Variants in PACRG observed in about 807,000 individuals in gnomAD.
PACRG encodes the protein parkin coregulated gene protein.
In PACRG, 29 loss-of-function variants were observed where a neutral mutation model predicts 29.7. The ratio of observed to expected loss-of-function variants is 0.98; its 90% CI spans 0.73 to 1.33. The LOEUF is 1.33. Among genes scored for constraint, PACRG ranks in the 40% most tolerant of loss-of-function variants. The pLI, the probability that PACRG is intolerant of heterozygous loss-of-function variation, is 0.00. For missense variants in PACRG, 279 were observed against 316.2 expected, an observed-to-expected ratio of 0.88 and a Z score of 0.89; for synonymous variants, 116 against 118.7, an observed-to-expected ratio of 0.98 and a Z score of 0.15.
At chr6:163,271,492 G>A (rs1051409510) in intron 4 of PACRG, among the ~76,000 whole-genome samples, 1 of 152,126 alleles carries the variant, frequency 6.6e-6, no homozygotes, top group African/African-American at 2.4e-5. Context: ...GACTTGCCTA[G>A]ATCTTTTGTG....
intron 2 of PACRG, among the ~76,000 whole-genome samples, chr6:162,823,183 G>A (rs1470171163): frequency 6.6e-6 from 1 of 151,998 alleles, no homozygotes; most frequent in Non-Finnish European, 1.5e-5. Context: ...TGTATTGTTT[G>A]TTTGTTTGTT....
At chr6:163,098,940 T>C (rs1048348553) in intron 4 of PACRG, among the ~76,000 whole-genome samples, 1 of 152,186 alleles carries the variant, frequency 6.6e-6, no homozygotes, top group Non-Finnish European at 1.5e-5. Context: ...GTCACTCTCA[T>C]CGCCATCTTG....
chr6:163,293,225 T>A (rs556395091), intron 4 of PACRG, among the ~76,000 whole-genome samples: 1 of 152,200 alleles, frequency 6.6e-6, no homozygotes. Flanking sequence ...TCAGCTGTAA[T>A]GATCGAATAG....
intron 2 of PACRG, among the ~76,000 whole-genome samples, chr6:162,874,128 C>T (rs1399413703): frequency 9.2e-5 from 9 of 97,484 alleles, no homozygotes; most frequent in Non-Finnish European, 2.0e-5. Flanking sequence ...CAGGCAAAAA[C>T]ATGAGGGAGT....
chr6:162,939,676 CG>C (rs1798478865), intron 2 of PACRG, among the ~76,000 whole-genome samples: 1 of 149,326 alleles, frequency 6.7e-6, no homozygotes, highest in Non-Finnish European at 1.5e-5. Flanking sequence ...CTGTATTTGA[CG>C]TGTGTGTGTG....
At chr6:163,078,227 G>A (rs567183610) in intron 3 of PACRG, among the ~76,000 whole-genome samples, 4 of 152,258 alleles carry the variant, frequency 2.6e-5, no homozygotes, top group South Asian at 2.1e-4. Flanking sequence ...AGGACCGGGC[G>A]CAGTGGCTCA....
At chr6:162,767,842 A>G (rs1782919074) in intron 1 of PACRG, among the ~76,000 whole-genome samples, 2 of 152,000 alleles carry the variant, frequency 1.3e-5, no homozygotes, top group Admixed American at 6.6e-5. Flanking sequence ...AATTTTTACT[A>G]CACATATTTT....
intron 1 of PACRG, among the ~76,000 whole-genome samples, chr6:162,749,601 A>G (rs956933750): frequency 5.3e-5 from 8 of 151,878 alleles, no homozygotes; most frequent in African/African-American, 1.7e-4. Flanking sequence ...GCTCACTGCA[A>G]CCTCCACCTC....
At chr6:163,253,819 G>A (rs1189967380) in intron 4 of PACRG, among the ~76,000 whole-genome samples, 2 of 152,206 alleles carry the variant, frequency 1.3e-5, no homozygotes, top group East Asian at 1.9e-4. Flanking sequence ...ACACATTTCC[G>A]AGTTGGCCTG....
chr6:162,738,264 C>T (rs1780319818), intron 1 of PACRG, among the ~76,000 whole-genome samples: 1 of 152,116 alleles, frequency 6.6e-6, no homozygotes, highest in Non-Finnish European at 1.5e-5. Flanking sequence ...AATAGAAATT[C>T]AAGAACTGTT....
Position 163,175,467 on chromosome 6 carries a change from C to G in PACRG, c.613+86059C>G, listed in dbSNP as rs185180003. ...AGTGGTTAAAGGACATCACTCCCCCCCAGCCACCTGTGACTCTACTGCTCC... is the reference window on the plus strand; with the variant it reads ...AGTGGTTAAAGGACATCACTCCCCCGCAGCCACCTGTGACTCTACTGCTCC... On this transcript the variant is annotated intron_variant, in intron 4 of 4. Transcript: ENST00000366888. Among the ~76,000 whole-genome samples, 427 of 151,962 alleles carry G rather than the reference C, an allele frequency of 2.8e-3. 1 individual carries two copies. Among genetic ancestry groups the G allele is most frequent in the Non-Finnish European group, 4.7e-3 (320 of 67,972 alleles).
intron 2 of PACRG, among the ~76,000 whole-genome samples, chr6:162,981,386 A>G (rs1562800274): frequency 6.6e-6 from 1 of 151,590 alleles, no homozygotes; most frequent in African/African-American, 2.4e-5. Context: ...ATATATATGT[A>G]TATATACACA....
Position 163,304,015 on chromosome 6 carries a change from C to CAA in PACRG, c.614-10790_614-10789dup, listed in dbSNP as rs59861286. Among the ~76,000 whole-genome samples the CAA allele has an allele frequency of 2.9e-4, 22 of 76,228 alleles. 1 individual carries two copies. In the East Asian group the frequency reaches 3.6e-3, roughly 12 times the overall value. The allele number at this position is 76,228 out of a possible 152,430, so 50.0% of individuals were successfully genotyped here. A position where few individuals can be genotyped will look rare whatever the true frequency, so the allele number is the denominator to read the frequency against. On this transcript the variant is annotated intron_variant, in intron 4 of 4. Coordinates refer to ENST00000366888, the MANE Select transcript of PACRG (RefSeq NM_001080379.2). ...TGGGTGACAGAGCAAGACTCCATTT[C>CAA]AAAAAAAAAAAAAAAAAAAAAAAGT...
intron 2 of PACRG, among the ~76,000 whole-genome samples, chr6:162,976,653 T>C (rs1562796329): frequency 6.6e-6 from 1 of 152,234 alleles, no homozygotes; most frequent in Non-Finnish European, 1.5e-5. Context: ...ACGAGGTACA[T>C]ATGCCTGGTT....
chr6:163,141,447 T>TTG (rs1817148331), intron 4 of PACRG, among the ~76,000 whole-genome samples: 1 of 74,544 alleles, frequency 1.3e-5, no homozygotes, highest in Non-Finnish European at 2.8e-5. Context: ...TGTATGTGTT[T>TTG]TTTTTTTTTT....
At chr6:163,276,871 T>C (rs745359782) in intron 4 of PACRG, among the ~76,000 whole-genome samples, 5 of 152,222 alleles carry the variant, frequency 3.3e-5, no homozygotes, top group Non-Finnish European at 5.9e-5. Context: ...AAATTTATGT[T>C]GTTTACAAAT....
At chr6:163,271,250 G>T (rs1052476439) in intron 4 of PACRG, among the ~76,000 whole-genome samples, 3 of 89,804 alleles carry the variant, frequency 3.3e-5, no homozygotes, top group Admixed American at 3.2e-4. Flanking sequence ...CTGATTAGAT[G>T]GTGCCCACCC....
At chr6:162,761,809 C>T (rs541388809) in intron 1 of PACRG, among the ~76,000 whole-genome samples, 4 of 151,704 alleles carry the variant, frequency 2.6e-5, no homozygotes, top group African/African-American at 4.8e-5. Context: ...TGGTGGTTCA[C>T]GCCTGTAATC....
chr6:162,934,315 T>A (rs1220635036), intron 2 of PACRG, among the ~76,000 whole-genome samples: 1 of 152,022 alleles, frequency 6.6e-6, no homozygotes, highest in Non-Finnish European at 1.5e-5. Flanking sequence ...CTTCCCTGGT[T>A]GGGAGGGCGG....
Sources: allele counts gnomAD v4.1 joint callset (sites outside exome capture counted in the v4.1 genomes callset), GRCh38; gene constraint gnomAD v4.1.1; transcripts MANE v1.5; gene names NCBI Gene and HGNC (gene_info 2026-07-23, HGNC 2026-07-21).